The following MIA2 variants were observed in gnomAD, a reference collection of about 807,000 sequenced individuals.
MIA2 encodes MIA SH3 domain ER export factor 2, also known as melanoma inhibitory activity protein 2.
A neutral mutation model predicts 167.8 loss-of-function variants in MIA2; 127 were observed. The observed-to-expected ratio is 0.76, with a 90% CI of 0.66 to 0.88. The LOEUF is 0.88. MIA2 is among the 40% of genes least tolerant of loss of function. MIA2 has a pLI of 0.00. For missense variants in MIA2, 1,690 were observed against 1,624.7 expected (o/e 1.04, Z -0.69); for synonymous variants, 552 against 541.9 (o/e 1.02, Z -0.26).
At chr14:39,248,782 T>C (rs1327714532) in intron 4 of MIA2, among the ~76,000 whole-genome samples, 3 of 152,060 alleles carry the variant, frequency 2.0e-5, no homozygotes, top group African/African-American at 7.2e-5. Context: ...CTTTATCGTC[T>C]AAGCTGGAGT....
intron 23 of MIA2, chr14:39,386,594 G>C: frequency 9.4e-7 from 1 of 1,068,698 alleles, no homozygotes; most frequent in Non-Finnish European, 1.4e-6. Flanking sequence ...TGCCACAGTG[G>C]GCTTTCTTTT....
intron 25 of MIA2, among the ~76,000 whole-genome samples, chr14:39,331,905 T>C (rs2068976050): frequency 6.6e-6 from 1 of 152,204 alleles, no homozygotes. Context: ...CATTTCAATG[T>C]TGCTGAATCT....
At chr14:39,351,635 C>T (rs1020733079), downstream of MIA2, among the ~76,000 whole-genome samples, 2 of 151,986 alleles carry the variant, frequency 1.3e-5, no homozygotes, top group Non-Finnish European at 2.9e-5. Context: ...AAAAGAGGCT[C>T]AAGGGAGCTT....
chr14:39,293,206 G>T, intron 10 of MIA2, 65 bp from the exon 11 acceptor site: 2 of 1,076,354 alleles, frequency 1.9e-6, no homozygotes, highest in Non-Finnish European at 2.8e-6. Flanking sequence ...TTTTTATTAT[G>T]CTCGTCTGAT....
rs116120859 is a variant in MIA2 at position 39,264,836 on chromosome 14, A to C, written c.1887+11665A>C. Among the ~76,000 whole-genome samples, 678 of 152,284 alleles carry C rather than the reference A, an allele frequency of 4.5e-3. 1 individual carries two copies. The highest frequency in any genetic ancestry group is 0.013 in the African/African-American group (552 of 41,560). On this transcript the variant is annotated intron_variant, in intron 6 of 28. Transcript: ENST00000640607. ...AAATCAGTGTCTAGGTTGTGAACAA[A>C]GTTTACTGGTTAGCATGTTTCCGAT...
At chr14:39,274,285 C>CT (rs1410951328) in intron 6 of MIA2, among the ~76,000 whole-genome samples, 19 of 151,824 alleles carry the variant, frequency 1.3e-4, no homozygotes, top group Non-Finnish European at 2.4e-4. Flanking sequence ...TTTGGTTGTT[C>CT]TTTCTATGTT....
intron 23 of MIA2, chr14:39,370,610 G>T: frequency 2.8e-6 from 1 of 354,672 alleles, no homozygotes; most frequent in Admixed American, 2.9e-5. Context: ...AGGAAGTCCA[G>T]CACCTTGTCC....
intron 1 of MIA2, 30 bp from the exon 2 acceptor site, chr14:39,236,892 T>G: frequency 6.4e-7 from 1 of 1,573,668 alleles, no homozygotes; most frequent in Non-Finnish European, 8.7e-7. Context: ...TAATTTAAAG[T>G]GTGTATTTTT....
At chr14:39,336,234 T>C (rs2070381868) in intron 25 of MIA2, among the ~76,000 whole-genome samples, 1 of 152,228 alleles carries the variant, frequency 6.6e-6, no homozygotes, top group African/African-American at 2.4e-5. Flanking sequence ...TGTATAAGCA[T>C]TCCCTTTTCT....
chr14:39,345,054 AGTTT>A (rs201847961), intron 25 of MIA2, among the ~76,000 whole-genome samples: 1 of 138,058 alleles, frequency 7.2e-6, no homozygotes, highest in Admixed American at 7.2e-5. Flanking sequence ...CTTTCCATTT[AGTTT>A]GTTTTTTATT....
intron 6 of MIA2, among the ~76,000 whole-genome samples, chr14:39,258,671 T>A (rs2054929860): frequency 6.6e-6 from 1 of 152,144 alleles, no homozygotes. Flanking sequence ...GGCATTCTGG[T>A]TTTTGGAATT....
chr14:39,308,172 G>A (rs1428446325), intron 17 of MIA2, among the ~76,000 whole-genome samples: 2 of 152,160 alleles, frequency 1.3e-5, no homozygotes, highest in Admixed American at 6.5e-5. Flanking sequence ...TGTTAGAGGC[G>A]ATGGTTATGC....
At chr14:39,335,351 A>G (rs2070111367) in intron 25 of MIA2, among the ~76,000 whole-genome samples, 1 of 152,226 alleles carries the variant, frequency 6.6e-6, no homozygotes, top group East Asian at 1.9e-4. Flanking sequence ...TGTTAGGCAT[A>G]ATTTATAAAA....
rs1158242882 is a variant in MIA2 at position 39,294,217 on chromosome 14, T to G, written c.2391+146T>G. 5 of 549,244 alleles carry G rather than the reference T, an allele frequency of 9.1e-6. No individual in the cohort carries two copies. The Admixed American group carries it at 1.7e-4, about 18-fold the overall frequency. The allele number at this position is 549,244 out of a possible 1,614,324, so 34.0% of individuals were successfully genotyped here. On this transcript the variant is annotated intron_variant, in intron 12 of 28. Coordinates refer to ENST00000640607, the MANE Select transcript of MIA2 (RefSeq NM_001329214.4). ...TTTTTTTTTTTTAACAATACCTAAA[T>G]GAATTAGCATGGCTGTGTTGCCCAG... is the stretch of plus-strand genomic sequence containing the variant.
Position 39,297,627 on chromosome 14 carries a change from A to G in MIA2, c.2497-2237A>G, listed in dbSNP as rs112912798. Among the ~76,000 whole-genome samples the G allele has an allele frequency of 3.1e-3, 463 of 149,212 alleles. 4 individuals are homozygous for G. Among genetic ancestry groups the G allele is most frequent in the African/African-American group, 0.011 (424 of 40,298 alleles). On this transcript the variant is annotated intron_variant, in intron 13 of 28. Coordinates refer to ENST00000640607, the MANE Select transcript of MIA2 (RefSeq NM_001329214.4). ...ACCTGGATAGATGTCCCAGAGTCTC[A>G]GGTTCCACCTCTCCAAAGAATGACC...
At chr14:39,382,117 C>G (rs2075177584) in intron 23 of MIA2, among the ~76,000 whole-genome samples, 1 of 152,204 alleles carries the variant, frequency 6.6e-6, no homozygotes, top group Non-Finnish European at 1.5e-5. Flanking sequence ...ACTGCCTGCT[C>G]TCCATCGTCA....
rs188540908 is a variant in MIA2 at position 39,373,798 on chromosome 14, A to C, written c.2249-13087A>C. 2.5e-3 allele frequency among the ~76,000 whole-genome samples: 384 copies of C among 152,282 alleles called. 3 individuals carry two copies. The highest frequency in any genetic ancestry group is 0.01 in the Middle Eastern group (3 of 292). ...ATCATGCCATTGCACTCCAGCCTGCATGATAGAGCAAGAGTTGGTCTAAAA... is the reference window on the plus strand; with the variant it reads ...ATCATGCCATTGCACTCCAGCCTGCCTGATAGAGCAAGAGTTGGTCTAAAA... On this transcript the variant is annotated intron_variant, in intron 23 of 23. Coordinates refer to the MIA2 transcript ENST00000341502.
downstream of MIA2, among the ~76,000 whole-genome samples, chr14:39,352,168 T>A (rs575770591): frequency 6.7e-4 from 101 of 149,994 alleles, no homozygotes; most frequent in Middle Eastern, 3.4e-3. Flanking sequence ...TATCCAGATT[T>A]AAAAAAAATT....
At chr14:39,357,098 G>C (rs1268110590) in intron 23 of MIA2, among the ~76,000 whole-genome samples, 1 of 152,122 alleles carries the variant, frequency 6.6e-6, no homozygotes, top group African/African-American at 2.4e-5. Flanking sequence ...TTCAGTTCCT[G>C]GATATCCTTG....
Sources: gnomAD v4.1 joint callset for allele counts (sites outside exome capture counted in the v4.1 genomes callset) on GRCh38, gnomAD v4.1.1 for gene constraint, MANE v1.5 for transcripts, NCBI Gene and HGNC (gene_info 2026-07-23, HGNC 2026-07-21) for gene names.